The following ALDH1A2 variants were observed in gnomAD, a reference collection of about 807,000 sequenced individuals.
ALDH1A2 encodes the protein retinal dehydrogenase 2.
In ALDH1A2, 27 loss-of-function variants were observed where a neutral mutation model predicts 60.3. That is an observed-to-expected ratio of 0.45 (90% CI 0.33 to 0.62). The LOEUF is 0.62. Ranked by LOEUF, ALDH1A2 falls within the 20% of genes least tolerant of loss-of-function variation. ALDH1A2 has a pLI of 0.02. For missense variants in ALDH1A2, 581 were observed against 643.8 expected, an observed-to-expected ratio of 0.90 and a Z score of 1.06; for synonymous variants, 289 against 232.4, an observed-to-expected ratio of 1.24 and a Z score of -2.21.
chr15:58,022,349 T>G (rs1895950752), intron 1 of ALDH1A2, among the ~76,000 whole-genome samples: 1 of 152,136 alleles, frequency 6.6e-6, no homozygotes, highest in Non-Finnish European at 1.5e-5. Flanking sequence ...TACCTGCAAG[T>G]GCAACCTCGG....
intron 1 of ALDH1A2, chr15:58,058,073 CA>C: frequency 6.5e-7 from 1 of 1,533,972 alleles, no homozygotes; most frequent in Non-Finnish European, 8.7e-7. Flanking sequence ...CATCTTCTCC[CA>C]AAAAGGATTC....
At chr15:58,010,835 A>T in intron 3 of ALDH1A2, 57 bp from the exon 4 acceptor site, 1 of 1,600,970 alleles carries the variant, frequency 6.2e-7, no homozygotes, top group Non-Finnish European at 8.5e-7. Context: ...GCGATACACT[A>T]ATTTCTAGAG....
chr15:58,012,749 G>T (rs1895670472), intron 3 of ALDH1A2, among the ~76,000 whole-genome samples: 1 of 152,228 alleles, frequency 6.6e-6, no homozygotes, highest in African/African-American at 2.4e-5. Flanking sequence ...ATTCCTGAGG[G>T]GGATGGTAGA....
chr15:57,994,651 T>C (rs185847900), intron 5 of ALDH1A2, among the ~76,000 whole-genome samples: 2 of 152,306 alleles, frequency 1.3e-5, no homozygotes, highest in Non-Finnish European at 2.9e-5. Flanking sequence ...TAGCATCTTC[T>C]ATCTAGATTC....
At chr15:58,022,746 T>C (rs1895965685) in intron 1 of ALDH1A2, among the ~76,000 whole-genome samples, 2 of 152,176 alleles carry the variant, frequency 1.3e-5, no homozygotes, top group Admixed American at 6.5e-5. Flanking sequence ...CAGATATCAC[T>C]GATGTTGTTT....
At chr15:57,988,625 A>G (rs1595643760) in intron 7 of ALDH1A2, among the ~76,000 whole-genome samples, 1 of 152,238 alleles carries the variant, frequency 6.6e-6, no homozygotes, top group Non-Finnish European at 1.5e-5. Flanking sequence ...TAAGGCATGG[A>G]AACAATCTAC....
At chr15:57,986,266 G>A (rs1894696666) in intron 7 of ALDH1A2, among the ~76,000 whole-genome samples, 1 of 152,068 alleles carries the variant, frequency 6.6e-6, no homozygotes, top group African/African-American at 2.4e-5. Flanking sequence ...TTGCAGTATG[G>A]TATGAGGAGA....
chr15:58,063,091 GT>G (rs1319677081), intron 1 of ALDH1A2, among the ~76,000 whole-genome samples: 1 of 152,140 alleles, frequency 6.6e-6, no homozygotes, highest in Non-Finnish European at 1.5e-5. Flanking sequence ...CAAGTACAAA[GT>G]TTTCTAAGTG....
intron 1 of ALDH1A2, among the ~76,000 whole-genome samples, chr15:58,030,635 A>G (rs1178803837): frequency 6.6e-6 from 1 of 152,158 alleles, no homozygotes; most frequent in Non-Finnish European, 1.5e-5. Flanking sequence ...GTATATTTCG[A>G]AAACCCCATT....
At chr15:57,972,465 G>T (rs899346107) in intron 7 of ALDH1A2, among the ~76,000 whole-genome samples, 1 of 152,156 alleles carries the variant, frequency 6.6e-6, no homozygotes, top group Non-Finnish European at 1.5e-5. Flanking sequence ...GAAAAAGCAT[G>T]GAGTAGTCAA....
rs1197303764 is a variant in ALDH1A2, at chr15:57,953,739, G to A, written c.*1458C>T. 2.0e-5 allele frequency: 3 copies of A among 152,346 alleles called. No homozygotes were observed. The highest frequency in any genetic ancestry group is 4.4e-5 in the Non-Finnish European group (3 of 68,040). 9.4% of individuals were successfully genotyped at this position (152,346 alleles called of 1,614,324 possible). A position where few individuals can be genotyped will look rare whatever the true frequency, so the allele number is the denominator to read the frequency against. On this transcript the variant is annotated 3_prime_UTR_variant, in exon 13 of 13. Coordinates refer to ENST00000249750, the MANE Select transcript of ALDH1A2 (RefSeq NM_003888.4). ...AGAAAACTGGTACGGTTAAGAAGCAGAAGATCGTTAAATACAGAAGGCTAT... is the reference window on the plus strand; with the variant it reads ...AGAAAACTGGTACGGTTAAGAAGCAAAAGATCGTTAAATACAGAAGGCTAT...
intron 3 of ALDH1A2, among the ~76,000 whole-genome samples, chr15:58,011,719 T>C (rs1214804468): frequency 1.3e-5 from 2 of 152,240 alleles, no homozygotes; most frequent in Non-Finnish European, 2.9e-5. Context: ...TTAGTATGTG[T>C]ATAAAATGAA....
intron 1 of ALDH1A2, among the ~76,000 whole-genome samples, chr15:58,060,223 T>G (rs1454633781): frequency 6.6e-6 from 1 of 152,182 alleles, no homozygotes; most frequent in African/African-American, 2.4e-5. Flanking sequence ...GCCTGGCCAG[T>G]TGATCACATA....
intron 4 of ALDH1A2, among the ~76,000 whole-genome samples, chr15:58,001,365 C>A (rs1895263156): frequency 6.6e-6 from 1 of 151,812 alleles, no homozygotes; most frequent in African/African-American, 2.4e-5. Context: ...AGAACAATCA[C>A]AAATGGGGTA....
chr15:58,016,869 T>A (rs1418412488), intron 1 of ALDH1A2, among the ~76,000 whole-genome samples: 1 of 152,154 alleles, frequency 6.6e-6, no homozygotes, highest in East Asian at 1.9e-4. Flanking sequence ...ATAAAAGAAG[T>A]CTAGAGATGC....
chr15:57,955,674 G>C (rs1893498446), intron 12 of ALDH1A2, among the ~76,000 whole-genome samples: 1 of 152,122 alleles, frequency 6.6e-6, no homozygotes, highest in Admixed American at 6.5e-5. Context: ...CCAGGTCTCT[G>C]AACGCCTTGG....
intron 3 of ALDH1A2, among the ~76,000 whole-genome samples, chr15:58,011,824 A>T (rs180671168): frequency 6.6e-6 from 1 of 152,194 alleles, no homozygotes. Flanking sequence ...TAGAACATGT[A>T]TATGTTTACA....
In ALDH1A2 at chr15:57,961,393, G is replaced by T. The variant is rs1423318318; in HGVS notation, c.1252-99C>A. ...TTTACTCTGCCTTGATTACTTAAATGACCTTTAAGTTTAGCAGTACAAAAC... is the reference window on the plus strand; with the variant it reads ...TTTACTCTGCCTTGATTACTTAAATTACCTTTAAGTTTAGCAGTACAAAAC... On this transcript the variant is annotated intron_variant, in intron 10 of 12. Coordinates refer to ENST00000249750, the MANE Select transcript of ALDH1A2 (RefSeq NM_003888.4). 4.2e-6 allele frequency: 6 copies of T among 1,423,514 alleles called. No individual in the cohort carries two copies. The African/African-American group carries it at 4.2e-5, about 10-fold the overall frequency. 88.2% of individuals were successfully genotyped at this position (1,423,514 alleles called of 1,614,324 possible).
intron 6 of ALDH1A2, 52 bp from the exon 7 acceptor site, chr15:57,992,870 G>T (rs767658614): frequency 7.4e-6 from 12 of 1,613,566 alleles, no homozygotes; most frequent in African/African-American, 1.3e-5. Flanking sequence ...GATGCATCAT[G>T]TTAAATGAGA....
Sources: allele counts gnomAD v4.1 joint callset (sites outside exome capture counted in the v4.1 genomes callset), GRCh38; gene constraint gnomAD v4.1.1; transcripts MANE v1.5; gene names NCBI Gene and HGNC (gene_info 2026-07-23, HGNC 2026-07-21).